Variants in DCHS2 observed in about 807,000 individuals in gnomAD.
The protein encoded by DCHS2 is dachsous cadherin-related 2, also known as protocadherin-23.
DCHS2 carries 142 observed loss-of-function variants against 182.4 expected under a neutral mutation model. That is an observed-to-expected ratio of 0.78 (90% CI 0.68 to 0.89). The LOEUF (loss-of-function observed/expected upper bound fraction) is 0.89, where lower values mean the gene tolerates loss of function less well. DCHS2 is among the 40% of genes least tolerant of loss of function. The pLI, the probability that DCHS2 is intolerant of heterozygous loss-of-function variation, is 0.00. For missense variants in DCHS2, 4,319 were observed against 4,198.6 expected (o/e 1.03, Z -0.79); for synonymous variants, 1,740 against 1,663.3 (o/e 1.05, Z -1.12).
At chr4:154,462,475 A>T (rs77193619) in intron 1 of DCHS2, among the ~76,000 whole-genome samples, 2,900 of 152,288 alleles carry the variant, frequency 0.019, 81 homozygotes, top group African/African-American at 0.065. Flanking sequence ...TCTCTGAGAG[A>T]AAACTGAGGG....
At chr4:154,401,453 A>G (rs1210144270) in intron 1 of DCHS2, among the ~76,000 whole-genome samples, 4 of 152,210 alleles carry the variant, frequency 2.6e-5, no homozygotes, top group African/African-American at 9.7e-5. Flanking sequence ...AACACTTCTA[A>G]GTATTTTACC....
At chr4:154,436,459 C>A (rs1733781938) in intron 1 of DCHS2, among the ~76,000 whole-genome samples, 1 of 152,108 alleles carries the variant, frequency 6.6e-6, no homozygotes, top group Non-Finnish European at 1.5e-5. Context: ...TTTATTACTG[C>A]TTTTCCCTGT....
chr4:154,387,405 A>G (rs1360787514), intron 1 of DCHS2, among the ~76,000 whole-genome samples: 1 of 91,144 alleles, frequency 1.1e-5, no homozygotes, highest in African/African-American at 4.9e-5. Context: ...AACAGATCCT[A>G]CTAAAACTAA....
intron 9 of DCHS2, 128 bp from the exon 10 acceptor site, chr4:154,316,115 G>A: frequency 7.1e-7 from 1 of 1,402,550 alleles, no homozygotes; most frequent in South Asian, 1.5e-5. Flanking sequence ...AATATGAACT[G>A]CATTAAATCA....
chr4:154,297,533 C>T (rs911449727), intron 13 of DCHS2, among the ~76,000 whole-genome samples: 42 of 152,242 alleles, frequency 2.8e-4, no homozygotes, highest in African/African-American at 9.9e-4. Context: ...ACAACTCTGA[C>T]AAGAGGTCAG....
At chr4:154,343,373 A>T (rs878974324) in intron 3 of DCHS2, 2 of 1,195,834 alleles carry the variant, frequency 1.7e-6, no homozygotes, top group South Asian at 3.2e-5. Context: ...CCAGGCATTG[A>T]CTTCTCCTCT....
At chr4:154,238,109 C>T in intron 19 of DCHS2, among the ~76,000 whole-genome samples, 1 of 126,420 alleles carries the variant, frequency 7.9e-6, no homozygotes, top group South Asian at 2.7e-4. Flanking sequence ...GTGGCAGTTG[C>T]CATCATCTGA....
intron 1 of DCHS2, among the ~76,000 whole-genome samples, chr4:154,460,613 G>A (rs550643201): frequency 6.6e-5 from 10 of 152,230 alleles, no homozygotes; most frequent in African/African-American, 1.9e-4. Flanking sequence ...AGCTCTCTTT[G>A]GGGCATCTTA....
intron 1 of DCHS2, among the ~76,000 whole-genome samples, chr4:154,488,517 C>T (rs1036850339): frequency 2.0e-5 from 3 of 152,152 alleles, no homozygotes; most frequent in Non-Finnish European, 4.4e-5. Flanking sequence ...AAAACAGTGT[C>T]AGTGTATAAA....
At chr4:154,367,491 C>T (rs966907426) in intron 2 of DCHS2, among the ~76,000 whole-genome samples, 1 of 152,086 alleles carries the variant, frequency 6.6e-6, no homozygotes, top group Non-Finnish European at 1.5e-5. Flanking sequence ...TCCCATACTG[C>T]TTTTTTGGTG....
chr4:154,353,557 A>C (rs1729717078), intron 3 of DCHS2, among the ~76,000 whole-genome samples: 1 of 151,914 alleles, frequency 6.6e-6, no homozygotes, highest in Non-Finnish European at 1.5e-5. Context: ...TTGTTCCCTG[A>C]CTCCTATCAT....
intron 2 of DCHS2, among the ~76,000 whole-genome samples, chr4:154,373,459 T>TACATAC (rs1447505967): frequency 1.3e-5 from 2 of 152,204 alleles, no homozygotes; most frequent in East Asian, 3.8e-4. Flanking sequence ...TATATGTGTA[T>TACATAC]ACATACACAT....
chr4:154,408,395 T>C (rs946954529), intron 1 of DCHS2, among the ~76,000 whole-genome samples: 1 of 152,330 alleles, frequency 6.6e-6, no homozygotes, highest in Non-Finnish European at 1.5e-5. Flanking sequence ...AAAACTTTCA[T>C]AGGAGATCAA....
Position 154,332,673 on chromosome 4 carries a change from C to T in DCHS2, c.3535G>A (p.Val1179Ile). The change falls in exon 5 of 20, where the codon GTT becomes ATT. Residue 1179 changes from valine (V) to isoleucine (I), a missense_variant. By Grantham distance (29) the Val-to-Ile change is conservative (BLOSUM62 3). Transcript: ENST00000357232. ...TTGTCATTCTCATCCCAGACACGAA[C>T]AATGACTGTAGTGCTCACATTTTGC... ...FLQNVSTTVIVRVWDENDNSP... is the reference protein window; with the variant it reads ...FLQNVSTTVIIRVWDENDNSP... 1 of 1,614,254 alleles carries T rather than the reference C, an allele frequency of 6.2e-7. No homozygotes were observed. The highest frequency in any genetic ancestry group is 1.1e-5 in the South Asian group (1 of 91,090).
chr4:154,340,774 TAG>T (rs1424363666), intron 3 of DCHS2, among the ~76,000 whole-genome samples: 3 of 152,232 alleles, frequency 2.0e-5, no homozygotes, highest in Non-Finnish European at 4.4e-5. Flanking sequence ...ACATCAATTA[TAG>T]AGAGTTATAC....
chr4:154,359,641 T>G (rs1046034660), intron 3 of DCHS2, among the ~76,000 whole-genome samples: 2 of 152,066 alleles, frequency 1.3e-5, no homozygotes, highest in Admixed American at 6.6e-5. Context: ...ATTCAGTTTG[T>G]GAGAATATAA....
At chr4:154,436,969 C>A (rs1733806274) in intron 1 of DCHS2, among the ~76,000 whole-genome samples, 1 of 152,160 alleles carries the variant, frequency 6.6e-6, no homozygotes, top group Non-Finnish European at 1.5e-5. Context: ...TTAATTTCAT[C>A]TGTTTCCTCT....
At chr4:154,346,037 G>A (rs1729344731) in intron 3 of DCHS2, among the ~76,000 whole-genome samples, 1 of 152,198 alleles carries the variant, frequency 6.6e-6, no homozygotes, top group African/African-American at 2.4e-5. Flanking sequence ...TCACATGGCA[G>A]AAGAAGCAAG....
At chr4:154,345,630 T>C (rs1345655092) in intron 3 of DCHS2, among the ~76,000 whole-genome samples, 1 of 150,606 alleles carries the variant, frequency 6.6e-6, no homozygotes, top group Non-Finnish European at 1.5e-5. Flanking sequence ...ATGAAACCTA[T>C]CATAACCTGT....
Sources: gnomAD v4.1 joint callset for allele counts (sites outside exome capture counted in the v4.1 genomes callset) on GRCh38, gnomAD v4.1.1 for gene constraint, MANE v1.5 for transcripts, NCBI Gene and HGNC (gene_info 2026-07-23, HGNC 2026-07-21) for gene names.